The following FMN2 variants were observed in gnomAD, a reference collection of about 807,000 sequenced individuals.
The protein encoded by FMN2 is formin-2.
Under a neutral mutation model 142.3 loss-of-function variants are expected in FMN2, and 51 were observed. The observed-to-expected ratio is 0.36, with a 90% CI of 0.29 to 0.45. The LOEUF (loss-of-function observed/expected upper bound fraction) is 0.45, where lower values mean the gene tolerates loss of function less well. Ranked by LOEUF, FMN2 falls within the 20% of genes least tolerant of loss-of-function variation. The probability of loss-of-function intolerance (pLI) is 1.00; values close to 1 mark genes in which losing one functional copy is unlikely to be tolerated. For missense variants in FMN2, 1,936 were observed against 2,122.8 expected (o/e 0.91, Z 1.73); for synonymous variants, 882 against 869.8 (o/e 1.01, Z -0.25).
intron 2 of FMN2, among the ~76,000 whole-genome samples, chr1:240,129,304 G>A (rs911891496): frequency 1.3e-5 from 2 of 151,976 alleles, no homozygotes; most frequent in East Asian, 1.9e-4. Flanking sequence ...ATAGATATAC[G>A]TATATATTTT....
At chr1:240,216,870 A>G (rs1666919636) in intron 6 of FMN2, among the ~76,000 whole-genome samples, 2 of 151,314 alleles carry the variant, frequency 1.3e-5, no homozygotes, top group Non-Finnish European at 2.9e-5. Context: ...AATTGCTTGA[A>G]CCCGGGAGGC....
intron 13 of FMN2, among the ~76,000 whole-genome samples, chr1:240,336,602 C>A (rs563961598): frequency 7.0e-6 from 1 of 142,962 alleles, no homozygotes; most frequent in African/African-American, 2.6e-5. Flanking sequence ...AATTGTTTTC[C>A]CATTTATTAC....
At chr1:240,133,984 C>G (rs764697532) in intron 2 of FMN2, among the ~76,000 whole-genome samples, 3 of 152,154 alleles carry the variant, frequency 2.0e-5, no homozygotes, top group Non-Finnish European at 4.4e-5. Context: ...CTTCTCCACC[C>G]ACTTAAGAGG....
chr1:240,109,604 T>C (rs748493203), intron 1 of FMN2, among the ~76,000 whole-genome samples: 4 of 152,186 alleles, frequency 2.6e-5, no homozygotes, highest in African/African-American at 4.8e-5. Flanking sequence ...GTGCCTACAG[T>C]GTGTCTTTAA....
intron 1 of FMN2, among the ~76,000 whole-genome samples, chr1:240,109,312 A>G (rs1435875879): frequency 6.6e-6 from 1 of 152,206 alleles, no homozygotes; most frequent in Non-Finnish European, 1.5e-5. Flanking sequence ...CATACTGAAG[A>G]TGAACATACT....
At chr1:240,187,102 C>CAAA (rs35262264) in intron 3 of FMN2, among the ~76,000 whole-genome samples, 3 of 117,362 alleles carry the variant, frequency 2.6e-5, no homozygotes, top group Middle Eastern at 4.4e-3. Context: ...CCGTCTGTAC[C>CAAA]AAAAAAAAAA....
chr1:240,102,202 G>A (rs1380073182), intron 1 of FMN2, among the ~76,000 whole-genome samples: 2 of 152,112 alleles, frequency 1.3e-5, no homozygotes, highest in Admixed American at 1.3e-4. Flanking sequence ...AAGGTTAAAA[G>A]GTGTTGAGAG....
Position 240,329,335 on chromosome 1 carries a change from T to A in FMN2, c.4308-4T>A. On this transcript the variant is annotated splice_polypyrimidine_tract_variant and splice_region_variant and intron_variant, in intron 9 of 17. Coordinates refer to ENST00000319653, the MANE Select transcript of FMN2 (RefSeq NM_020066.5). ...TTCTTCTTAACTTGGCTTTATTTCC[T>A]TAGGTTCCTTTATGAACTGTCACTA... is the stretch of plus-strand genomic sequence containing the variant. 6.2e-7 allele frequency: 1 copy of A among 1,609,544 alleles called. No individual in the cohort carries two copies. The highest frequency in any genetic ancestry group is 8.5e-7 in the Non-Finnish European group (1 of 1,178,902).
intron 15 of FMN2, among the ~76,000 whole-genome samples, chr1:240,414,426 C>A (rs1674512054): frequency 6.6e-6 from 1 of 152,164 alleles, no homozygotes; most frequent in Non-Finnish European, 1.5e-5. Flanking sequence ...GGAATTCAGG[C>A]CTTCGTGAAA....
At chr1:240,447,061 G>A (rs370085971) in intron 16 of FMN2, among the ~76,000 whole-genome samples, 11 of 152,152 alleles carry the variant, frequency 7.2e-5, no homozygotes, top group African/African-American at 2.2e-4. Context: ...TAGAGGTATC[G>A]ATCCCTACGG....
chr1:240,248,064 A>G (rs1668138113), intron 6 of FMN2, among the ~76,000 whole-genome samples: 1 of 151,834 alleles, frequency 6.6e-6, no homozygotes, highest in South Asian at 2.1e-4. Context: ...TAATGCTTGT[A>G]CCCATTAATC....
chr1:240,268,580 A>G (rs1019370971), intron 7 of FMN2, among the ~76,000 whole-genome samples: 2 of 152,024 alleles, frequency 1.3e-5, no homozygotes, highest in Non-Finnish European at 2.9e-5. Context: ...TTTGTTGGGG[A>G]AATGAATATT....
At chr1:240,142,475 A>ATTTATTTATTTATTTATTTATT (rs1663224815) in intron 2 of FMN2, among the ~76,000 whole-genome samples, 12 of 146,162 alleles carry the variant, frequency 8.2e-5, no homozygotes, top group Non-Finnish European at 1.8e-4. Context: ...AAACCTTTTC[A>ATTTATTTATTTATTTATTTATT]TATTTATTTA....
intron 11 of FMN2, among the ~76,000 whole-genome samples, chr1:240,332,896 T>A (rs1671427710): frequency 6.6e-6 from 1 of 152,128 alleles, no homozygotes. Context: ...AATTACAAGT[T>A]GGGAGAGAGA....
intron 6 of FMN2, among the ~76,000 whole-genome samples, chr1:240,251,667 T>C (rs578205001): frequency 2.0e-5 from 3 of 152,330 alleles, no homozygotes; most frequent in African/African-American, 7.2e-5. Context: ...GAGAGTGTGA[T>C]GTTGATGTCT....
intron 7 of FMN2, among the ~76,000 whole-genome samples, chr1:240,288,856 A>T (rs780818682): frequency 1.8e-4 from 28 of 152,192 alleles, no homozygotes; most frequent in Non-Finnish European, 3.8e-4. Flanking sequence ...AGCCTGAGGA[A>T]CTGAATCCTG....
At chr1:240,110,748 C>T (rs963951554) in intron 1 of FMN2, among the ~76,000 whole-genome samples, 2 of 151,846 alleles carry the variant, frequency 1.3e-5, no homozygotes, top group Non-Finnish European at 2.9e-5. Flanking sequence ...GTCCCCGACT[C>T]TCATTTAATG....
intron 6 of FMN2, among the ~76,000 whole-genome samples, chr1:240,257,418 C>G (rs1411456412): frequency 6.6e-6 from 1 of 152,112 alleles, no homozygotes; most frequent in Non-Finnish European, 1.5e-5. Context: ...AAATAGTGAG[C>G]TTTCTATGTG....
At chr1:240,280,597 G>A (rs1287115961) in intron 7 of FMN2, among the ~76,000 whole-genome samples, 2 of 152,152 alleles carry the variant, frequency 1.3e-5, no homozygotes, top group Non-Finnish European at 2.9e-5. Flanking sequence ...GTTTACCTAA[G>A]CAAGAAGGTG....
Sources: gnomAD v4.1 joint callset for allele counts (sites outside exome capture counted in the v4.1 genomes callset) on GRCh38, gnomAD v4.1.1 for gene constraint, MANE v1.5 for transcripts, NCBI Gene and HGNC (gene_info 2026-07-23, HGNC 2026-07-21) for gene names.